The following CCL17 variants were observed in gnomAD, a reference collection of about 807,000 sequenced individuals.
CCL17 encodes the protein C-C motif chemokine 17.
A neutral mutation model predicts 7.4 loss-of-function variants in CCL17; 8 were observed. That is an observed-to-expected ratio of 1.09 (90% CI 0.64 to 1.96). CCL17 has a LOEUF of 1.96. CCL17 is among the 30% of genes most tolerant of loss of function. The pLI is 0.00. For synonymous variants in CCL17, 40 were observed against 46.1 expected (o/e 0.87, Z 0.54); for missense variants, 102 against 113.0 (o/e 0.90, Z 0.44).
the CCL17 span, among the ~76,000 whole-genome samples, chr16:57,397,873 AT>A: frequency 1.1e-4 from 16 of 152,334 alleles, no homozygotes; most frequent in Admixed American, 2.0e-4. Flanking sequence ...TAACTATGGC[AT>A]AACCTGCCCT....
upstream of CCL17, among the ~76,000 whole-genome samples, chr16:57,401,331 C>T (rs1902588673): frequency 6.6e-6 from 1 of 151,980 alleles, no homozygotes; most frequent in African/African-American, 2.4e-5. Flanking sequence ...TGAGACCAGC[C>T]TGGCCAAGAT....
upstream of CCL17, among the ~76,000 whole-genome samples, chr16:57,400,291 G>A (rs190102302): frequency 3.8e-4 from 58 of 152,168 alleles, no homozygotes; most frequent in East Asian, 4.1e-3. Context: ...CCCGAGAGGC[G>A]GAGCTTGCAG....
chr16:57,398,037 G>A, the CCL17 span, among the ~76,000 whole-genome samples: 1 of 152,216 alleles, frequency 6.6e-6, no homozygotes, highest in Non-Finnish European at 1.5e-5. Flanking sequence ...TCCTCTGGGA[G>A]AAAAGTAGCA....
chr16:57,413,539 C>T (rs1902818907), intron 1 of CCL17, among the ~76,000 whole-genome samples: 1 of 152,228 alleles, frequency 6.6e-6, no homozygotes, highest in Non-Finnish European at 1.5e-5. Context: ...CTGCTCAAGC[C>T]ACCATGCATG....
At chr16:57,397,583 A>G in the CCL17 span, among the ~76,000 whole-genome samples, 2 of 152,316 alleles carry the variant, frequency 1.3e-5, no homozygotes, top group South Asian at 4.1e-4. Flanking sequence ...TGGCTTCAGC[A>G]GTGTAAGACT....
chr16:57,414,685 C>A (rs1315803957), intron 2 of CCL17, among the ~76,000 whole-genome samples: 1 of 151,922 alleles, frequency 6.6e-6, no homozygotes, highest in African/African-American at 2.4e-5. Flanking sequence ...GCATGAGCCA[C>A]GGCGCCCAGA....
chr16:57,414,653 TCC>T (rs1902839132), intron 2 of CCL17, among the ~76,000 whole-genome samples: 1 of 152,046 alleles, frequency 6.6e-6, no homozygotes, highest in African/African-American at 2.4e-5. Context: ...CGCCTTGGCC[TCC>T]CAAAGTGCTG....
At chr16:57,406,454 T>C (rs552505034) in intron 1 of CCL17, among the ~76,000 whole-genome samples, 2 of 152,262 alleles carry the variant, frequency 1.3e-5, no homozygotes, top group Non-Finnish European at 2.9e-5. Context: ...AATTTTCTCA[T>C]CTGTAGAAAC....
chr16:57,404,417 G>A (rs180822768), upstream of CCL17, among the ~76,000 whole-genome samples: 7 of 152,246 alleles, frequency 4.6e-5, no homozygotes, highest in Non-Finnish European at 1.0e-4. Flanking sequence ...AGTTGGGGGC[G>A]AGAGGAAGAG....
At chr16:57,400,203 C>CA (rs1281386834), upstream of CCL17, among the ~76,000 whole-genome samples, 103 of 151,986 alleles carry the variant, frequency 6.8e-4, no homozygotes, top group African/African-American at 2.4e-3. Context: ...ACTAAAAATA[C>CA]AAAAAATTAG....
At chr16:57,403,454 ATAATATATATTATAT>A (rs1220023649), upstream of CCL17, among the ~76,000 whole-genome samples, 14 of 7,220 alleles carry the variant, frequency 1.9e-3, 1 homozygote, top group East Asian at 0.016. Context: ...ATATTATATT[ATAATATATATTATAT>A]TATATATATT....
chr16:57,409,411 G>A (rs1902749928), intron 1 of CCL17, among the ~76,000 whole-genome samples: 1 of 152,222 alleles, frequency 6.6e-6, no homozygotes, highest in Non-Finnish European at 1.5e-5. Flanking sequence ...GGAAAAAGTT[G>A]AGCCTGGAGA....
intron 1 of CCL17, among the ~76,000 whole-genome samples, chr16:57,408,242 G>A (rs57319659): frequency 6.4e-4 from 97 of 150,674 alleles, no homozygotes; most frequent in Non-Finnish European, 9.5e-4. Context: ...CCATCCATCC[G>A]TCCATTCTTT....
upstream of CCL17, among the ~76,000 whole-genome samples, chr16:57,403,558 T>TA (rs1483024016): frequency 3.7e-5 from 2 of 54,282 alleles, no homozygotes; most frequent in Non-Finnish European, 6.5e-5. Context: ...ATTTTATATA[T>TA]ATATAATATA....
the CCL17 span, among the ~76,000 whole-genome samples, chr16:57,396,581 C>T: frequency 6.6e-6 from 1 of 152,052 alleles, no homozygotes; most frequent in African/African-American, 2.4e-5. Context: ...GTGGTGGGGG[C>T]GCTGCTGCAG....
chr16:57,400,214 C>T (rs1902572531), upstream of CCL17, among the ~76,000 whole-genome samples: 1 of 152,088 alleles, frequency 6.6e-6, no homozygotes, highest in Non-Finnish European at 1.5e-5. Context: ...AAAAAATTAG[C>T]TGGGAGTAGT....
intron 1 of CCL17, among the ~76,000 whole-genome samples, chr16:57,408,497 A>T (rs1421521506): frequency 6.6e-6 from 1 of 152,012 alleles, no homozygotes; most frequent in African/African-American, 2.4e-5. Context: ...CTGCAGCCTC[A>T]ACTTTCCTGA....
At chr16:57,413,309 A>G (rs1371834742) in intron 1 of CCL17, among the ~76,000 whole-genome samples, 1 of 152,136 alleles carries the variant, frequency 6.6e-6, no homozygotes, top group Non-Finnish European at 1.5e-5. Context: ...GGAGGCAGAT[A>G]AAGCATGGAT....
chr16:57,402,211 C>T (rs1902602819), upstream of CCL17, among the ~76,000 whole-genome samples: 1 of 152,230 alleles, frequency 6.6e-6, no homozygotes, highest in South Asian at 2.1e-4. Flanking sequence ...CCCTCAGCCT[C>T]CCCTGGGGAG....
Sources: gnomAD v4.1 joint callset for allele counts (sites outside exome capture counted in the v4.1 genomes callset) on GRCh38, gnomAD v4.1.1 for gene constraint, MANE v1.5 for transcripts, NCBI Gene and HGNC (gene_info 2026-07-23, HGNC 2026-07-21) for gene names.